CIAPIN1: variants seen among roughly 807,000 people sequenced by gnomAD.
CIAPIN1 encodes the protein anamorsin.
A neutral mutation model predicts 34.3 loss-of-function variants in CIAPIN1; 18 were observed. That is an observed-to-expected ratio of 0.52 (90% CI 0.36 to 0.78). The LOEUF is 0.78. Among genes scored for constraint, CIAPIN1 ranks in the 30% least tolerant of loss-of-function variants. CIAPIN1 has a pLI of 0.00. For missense variants in CIAPIN1, 310 were observed against 372.5 expected, an observed-to-expected ratio of 0.83 and a Z score of 1.38; for synonymous variants, 131 against 140.4, an observed-to-expected ratio of 0.93 and a Z score of 0.47.
At chr16:57,439,789 C>T (rs1903285766) in intron 2 of CIAPIN1, among the ~76,000 whole-genome samples, 1 of 152,218 alleles carries the variant, frequency 6.6e-6, no homozygotes, top group South Asian at 2.1e-4. Flanking sequence ...ACTTTAATCT[C>T]TTAATCCCGT....
At chr16:57,441,065 C>G (rs1903320773) in intron 1 of CIAPIN1, 82 bp from the exon 2 acceptor site, 1 of 777,548 alleles carries the variant, frequency 1.3e-6, no homozygotes, top group Non-Finnish European at 2.0e-6. Flanking sequence ...TAACCGCCCA[C>G]TAGGGAATGC....
chr16:57,438,696 C>A (rs1903258343), intron 3 of CIAPIN1, among the ~76,000 whole-genome samples: 1 of 152,186 alleles, frequency 6.6e-6, no homozygotes, highest in African/African-American at 2.4e-5. Flanking sequence ...CATACTACCC[C>A]TTTATAGCTC....
rs1598019936 is a variant in CIAPIN1 at position 57,429,282 on chromosome 16, T to C, written c.829-2A>G. The C allele has an allele frequency of 6.2e-7, 1 of 1,607,846 alleles. No individual in the cohort carries two copies. The highest frequency in any genetic ancestry group is 8.5e-7 in the Non-Finnish European group (1 of 1,174,332). ...GCGGAAGGCATCGCCCAGGTAGCACTGGAGAGAGAGAATGGGGAAGCCAAG... is the reference window on the plus strand; with the variant it reads ...GCGGAAGGCATCGCCCAGGTAGCACCGGAGAGAGAGAATGGGGAAGCCAAG... On this transcript the variant is annotated splice_acceptor_variant, in intron 8 of 8. Coordinates refer to ENST00000394391, the MANE Select transcript of CIAPIN1 (RefSeq NM_020313.4). LOFTEE classifies it high-confidence loss of function.
intron 3 of CIAPIN1, among the ~76,000 whole-genome samples, chr16:57,437,835 C>T (rs1328542125): frequency 1.3e-5 from 2 of 152,128 alleles, no homozygotes; most frequent in Non-Finnish European, 2.9e-5. Context: ...CATAGCGATA[C>T]TATTTTAATT....
intron 8 of CIAPIN1, 71 bp downstream of exon 8, chr16:57,430,187 G>A: frequency 7.8e-7 from 1 of 1,275,606 alleles, no homozygotes; most frequent in South Asian, 1.2e-5. Context: ...GAGCTTGTCT[G>A]TGTTTAGTTT....
Position 57,436,726 on chromosome 16 carries a change from T to C in CIAPIN1, c.317A>G (p.Asn106Ser), listed in dbSNP as rs889130849. The part of the protein sequence containing the change: ...KEPVETAVDN[N>S]SKVKTASKLC... ...CTTAGATGCTGTCTTCACTTTGCTA[T>C]TGTTATCTGCCAAAAGGAAAATCCC... is the stretch of plus-strand genomic sequence containing the variant. Residue 106 changes from asparagine to serine, a missense_variant, in exon 4 of 9, where the codon AAT (asparagine) becomes AGT (serine). Asn to Ser is a conservative substitution (Grantham distance 46, BLOSUM62 1). Coordinates refer to ENST00000394391, the MANE Select transcript of CIAPIN1 (RefSeq NM_020313.4). 2 of 1,613,618 alleles carry C rather than the reference T, an allele frequency of 1.2e-6. No homozygotes were observed. The highest frequency in any genetic ancestry group is 8.5e-7 in the Non-Finnish European group (1 of 1,179,626).
At chr16:57,447,300 T>A (rs1355930532) in intron 1 of CIAPIN1, 42 bp downstream of exon 1, 1 of 405,624 alleles carries the variant, frequency 2.5e-6, no homozygotes, top group Non-Finnish European at 4.3e-6. Flanking sequence ...GAGGGGACAG[T>A]TGAGGGAGCT....
chr16:57,429,728 G>A (rs904921545), intron 8 of CIAPIN1, among the ~76,000 whole-genome samples: 6 of 151,382 alleles, frequency 4.0e-5, no homozygotes, highest in South Asian at 2.1e-4. Flanking sequence ...TCCTGACCTC[G>A]TGATCCGCCC....
chr16:57,437,041 C>T (rs866858572), intron 3 of CIAPIN1, among the ~76,000 whole-genome samples: 13 of 152,090 alleles, frequency 8.5e-5, no homozygotes, highest in Middle Eastern at 3.2e-3. Context: ...GCACGAGAAT[C>T]GCTTGAACCT....
chr16:57,446,409 G>A (rs1028758310), intron 1 of CIAPIN1, among the ~76,000 whole-genome samples: 12 of 152,114 alleles, frequency 7.9e-5, no homozygotes, highest in Non-Finnish European at 1.3e-4. Context: ...GGGGGAGCCG[G>A]ATATTCTGAA....
chr16:57,442,269 C>G, intron 1 of CIAPIN1, among the ~76,000 whole-genome samples: 1 of 152,084 alleles, frequency 6.6e-6, no homozygotes, highest in Non-Finnish European at 1.5e-5. Flanking sequence ...TCGCTTGAAC[C>G]TGGGAGATGG....
chr16:57,431,828 A>T (rs1722831056), intron 6 of CIAPIN1, among the ~76,000 whole-genome samples: 2 of 152,270 alleles, frequency 1.3e-5, no homozygotes, highest in South Asian at 2.1e-4. Flanking sequence ...TATTACAGAC[A>T]TGGCCAAAGA....
chr16:57,436,952 C>T (rs1221296333), intron 3 of CIAPIN1, among the ~76,000 whole-genome samples: 3 of 151,964 alleles, frequency 2.0e-5, no homozygotes. Context: ...AAAATCCCGT[C>T]TCTACTAAAA....
At chr16:57,442,365 A>T (rs223849) in intron 1 of CIAPIN1, among the ~76,000 whole-genome samples, 7,589 of 152,138 alleles carry the variant, frequency 0.05, 286 homozygotes, top group African/African-American at 0.1. Context: ...AATAAATAAA[A>T]AATAAAAAAT....
chr16:57,439,486 TA>T (rs1163984926), intron 2 of CIAPIN1, 152 bp from the exon 3 acceptor site: 15 of 708,754 alleles, frequency 2.1e-5, no homozygotes, highest in Non-Finnish European at 3.3e-5. Flanking sequence ...GTAAGTGTTT[TA>T]AAAAAACATG....
chr16:57,445,852 T>G (rs958130223), intron 1 of CIAPIN1, among the ~76,000 whole-genome samples: 3 of 136,840 alleles, frequency 2.2e-5, no homozygotes, highest in Non-Finnish European at 4.6e-5. Flanking sequence ...TTTTTTTTTT[T>G]TTTTTTTTTT....
rs79670123 is a variant in CIAPIN1, at chr16:57,437,929, C to A, written c.311-1197G>T. Among the ~76,000 whole-genome samples the A allele has an allele frequency of 6.7e-4, 102 of 152,198 alleles. 1 individual carries two copies. In the East Asian group the frequency reaches 0.018, roughly 27 times the overall value. ...CCATTATTATTGTTTTTTTATCACT[C>A]TCTGCTTCTTGAAACCCCTTCCAGA... On this transcript the variant is annotated intron_variant, in intron 3 of 8. Transcript: ENST00000394391.
At chr16:57,445,774 C>T (rs2146576888) in intron 1 of CIAPIN1, among the ~76,000 whole-genome samples, 1 of 146,872 alleles carries the variant, frequency 6.8e-6, no homozygotes, top group South Asian at 2.2e-4. Flanking sequence ...GACAAGAAGA[C>T]ACTTGTTCCC....
At chr16:57,443,578 C>T (rs1461697582) in intron 1 of CIAPIN1, among the ~76,000 whole-genome samples, 2 of 152,220 alleles carry the variant, frequency 1.3e-5, no homozygotes, top group African/African-American at 2.4e-5. Context: ...ATGCCTCAGC[C>T]TCCCAAGTAG....
Sources: gnomAD v4.1 joint callset for allele counts (sites outside exome capture counted in the v4.1 genomes callset) on GRCh38, gnomAD v4.1.1 for gene constraint, MANE v1.5 for transcripts, NCBI Gene and HGNC (gene_info 2026-07-23, HGNC 2026-07-21) for gene names.